The following SORCS3 variants were observed in gnomAD, a reference collection of about 807,000 sequenced individuals.
SORCS3 encodes the protein sortilin related VPS10 domain containing receptor 3.
In SORCS3, 57 loss-of-function variants were observed where a neutral mutation model predicts 146.3. The observed-to-expected ratio is 0.39, with a 90% CI of 0.31 to 0.49. SORCS3 has a LOEUF of 0.49. SORCS3 is among the 20% of genes least tolerant of loss of function. The pLI, the probability that SORCS3 is intolerant of heterozygous loss-of-function variation, is 0.92. For missense variants in SORCS3, 1,341 were observed against 1,575.5 expected, an observed-to-expected ratio of 0.85 and a Z score of 2.52; for synonymous variants, 653 against 618.5, an observed-to-expected ratio of 1.06 and a Z score of -0.83.
chr10:104,708,840 A>G (rs916616483), intron 1 of SORCS3, among the ~76,000 whole-genome samples: 2 of 152,182 alleles, frequency 1.3e-5, no homozygotes, highest in South Asian at 2.1e-4. Flanking sequence ...TCCTCAGGCA[A>G]TCACAAAGCC....
intron 5 of SORCS3, among the ~76,000 whole-genome samples, chr10:105,063,819 G>A (rs2055504090): frequency 6.6e-6 from 1 of 152,226 alleles, no homozygotes; most frequent in South Asian, 2.1e-4. Flanking sequence ...ATGCTGTATT[G>A]ATAAAAGACT....
chr10:104,915,476 G>C (rs757250886), intron 2 of SORCS3, among the ~76,000 whole-genome samples: 1 of 144,532 alleles, frequency 6.9e-6, no homozygotes, highest in African/African-American at 2.5e-5. Context: ...GGGTCCGCTG[G>C]TGGGAACTTG....
intron 1 of SORCS3, among the ~76,000 whole-genome samples, chr10:104,803,819 C>T (rs2017651636): frequency 1.3e-5 from 2 of 152,280 alleles, no homozygotes; most frequent in Admixed American, 6.5e-5. Flanking sequence ...ATCATTTTCT[C>T]CTCCAGCTCT....
intron 4 of SORCS3, among the ~76,000 whole-genome samples, chr10:105,020,536 T>C (rs2055192327): frequency 1.3e-5 from 2 of 152,198 alleles, no homozygotes; most frequent in South Asian, 4.1e-4. Context: ...AGGAATAGTT[T>C]CACACTATGG....
intron 1 of SORCS3, among the ~76,000 whole-genome samples, chr10:104,752,957 C>A (rs2017006388): frequency 6.7e-6 from 1 of 148,996 alleles, no homozygotes; most frequent in Non-Finnish European, 1.5e-5. Context: ...AGCCAACCAA[C>A]CAACCAACCA....
At chr10:104,824,440 C>T (rs776847780) in intron 1 of SORCS3, among the ~76,000 whole-genome samples, 2 of 152,200 alleles carry the variant, frequency 1.3e-5, no homozygotes, top group South Asian at 2.1e-4. Flanking sequence ...CTCATCCCTA[C>T]ATCCCCTTAG....
At chr10:104,863,389 T>C (rs1056172197) in intron 2 of SORCS3, among the ~76,000 whole-genome samples, 4 of 152,328 alleles carry the variant, frequency 2.6e-5, no homozygotes, top group African/African-American at 7.2e-5. Context: ...TTCTCTCCTC[T>C]TACGCATTTT....
intron 7 of SORCS3, among the ~76,000 whole-genome samples, chr10:105,134,594 G>A (rs1471651701): frequency 6.6e-6 from 1 of 150,468 alleles, no homozygotes; most frequent in Non-Finnish European, 1.5e-5. Context: ...GTTTTCTCCA[G>A]CCCTTTTATG....
intron 3 of SORCS3, among the ~76,000 whole-genome samples, chr10:104,924,592 G>T (rs1448519215): frequency 2.0e-5 from 3 of 152,174 alleles, no homozygotes; most frequent in African/African-American, 7.2e-5. Flanking sequence ...CATGACAAAG[G>T]CCAAATGGCT....
At chr10:105,250,467 C>A (rs2056892171) in intron 22 of SORCS3, among the ~76,000 whole-genome samples, 2 of 152,170 alleles carry the variant, frequency 1.3e-5, no homozygotes, top group Non-Finnish European at 2.9e-5. Flanking sequence ...AAGGACCAAT[C>A]ACTCGTATGT....
chr10:105,023,621 C>A (rs1309025268), intron 4 of SORCS3, among the ~76,000 whole-genome samples: 1 of 151,944 alleles, frequency 6.6e-6, no homozygotes, highest in Non-Finnish European at 1.5e-5. Flanking sequence ...CTTGGCAATT[C>A]TGTATTTTCA....
intron 3 of SORCS3, among the ~76,000 whole-genome samples, chr10:104,948,834 A>T (rs1417029051): frequency 1.3e-5 from 2 of 152,092 alleles, no homozygotes; most frequent in African/African-American, 4.8e-5. Flanking sequence ...TCTCCATGGG[A>T]AGTATTTTAT....
At chr10:105,036,182 C>T (rs2133699595) in intron 4 of SORCS3, among the ~76,000 whole-genome samples, 1 of 152,254 alleles carries the variant, frequency 6.6e-6, no homozygotes, top group Admixed American at 6.5e-5. Flanking sequence ...ATTTTAGCCA[C>T]AATTTTTGGG....
chr10:104,692,777 C>G (rs2016128883), intron 1 of SORCS3, among the ~76,000 whole-genome samples: 1 of 152,116 alleles, frequency 6.6e-6, no homozygotes, highest in Non-Finnish European at 1.5e-5. Context: ...GTGGTCTAGG[C>G]TATAAAGAAA....
rs1237358147 is a variant in SORCS3 at position 104,736,783 on chromosome 10, TTTTTA to T, written c.627+94832_627+94836del. 3.3e-5 allele frequency among the ~76,000 whole-genome samples: 5 copies of T among 151,878 alleles called. No homozygotes were observed. In the South Asian group the frequency reaches 1.0e-3, roughly 31 times the overall value. ...TTCAAAGGCATGTTTTCTTTTTTTTTTTTTATTATTATTATACTTAAAGTTTTCGG... is the reference window on the plus strand; with the variant it reads ...TTCAAAGGCATGTTTTCTTTTTTTTTTTATTATTATACTTAAAGTTTTCGG... On this transcript the variant is annotated intron_variant, in intron 1 of 26. Transcript: ENST00000369701.
intron 1 of SORCS3, among the ~76,000 whole-genome samples, chr10:104,674,705 T>A (rs981545020): frequency 1.3e-5 from 2 of 152,250 alleles, no homozygotes; most frequent in Non-Finnish European, 2.9e-5. Context: ...CTGTTCAGTT[T>A]TGGAATAATT....
At chr10:105,142,462 CA>C (rs2119454145) in intron 8 of SORCS3, among the ~76,000 whole-genome samples, 1 of 152,278 alleles carries the variant, frequency 6.6e-6, no homozygotes, top group South Asian at 2.1e-4. Context: ...CCAATCTGGA[CA>C]AAATGCCTGC....
At chr10:104,794,622 G>GGAGGGAGAGAGAGA (rs1481811209) in intron 1 of SORCS3, among the ~76,000 whole-genome samples, 92 of 41,386 alleles carry the variant, frequency 2.2e-3, no homozygotes, top group African/African-American at 5.5e-3. Context: ...AGAGAGGGAG[G>GGAGGGAGAGAGAGA]GAGAGAGAGA....
chr10:105,012,792 G>A (rs570237752), intron 4 of SORCS3, among the ~76,000 whole-genome samples: 1 of 152,164 alleles, frequency 6.6e-6, no homozygotes, highest in Non-Finnish European at 1.5e-5. Flanking sequence ...GCATTCTCGT[G>A]AGTTGTTAAC....
Sources: gnomAD v4.1 joint callset for allele counts (sites outside exome capture counted in the v4.1 genomes callset) on GRCh38, gnomAD v4.1.1 for gene constraint, MANE v1.5 for transcripts, NCBI Gene and HGNC (gene_info 2026-07-23, HGNC 2026-07-21) for gene names.